Variants in DPP6 observed in about 807,000 individuals in gnomAD.
The protein encoded by DPP6 is A-type potassium channel modulatory protein DPP6.
Under a neutral mutation model 122.6 loss-of-function variants are expected in DPP6, and 69 were observed. The observed-to-expected ratio is 0.56, with a 90% confidence interval of 0.46 to 0.69. DPP6 has a LOEUF of 0.69. DPP6 is among the 30% of genes least tolerant of loss of function. The pLI is 0.00. For synonymous variants in DPP6, 418 were observed against 433.1 expected, an observed-to-expected ratio of 0.97 and a Z score of 0.43; for missense variants, 928 against 1,116.9, an observed-to-expected ratio of 0.83 and a Z score of 2.41.
the DPP6 span, among the ~76,000 whole-genome samples, chr7:153,796,241 C>T: frequency 0.092 from 5,096 of 55,472 alleles, 98 homozygotes; most frequent in Middle Eastern, 0.14. Context: ...TTCCATTTCT[C>T]TTTGCAGATC....
intron 1 of DPP6, among the ~76,000 whole-genome samples, chr7:154,081,176 A>G (rs1364167735): frequency 5.9e-5 from 9 of 151,762 alleles, no homozygotes; most frequent in Admixed American, 5.2e-4. Context: ...ATGAGCCAGT[A>G]TGCTGGGGCA....
chr7:154,057,467 A>C (rs1434734865), intron 1 of DPP6: 1 of 154,944 alleles, frequency 6.5e-6, no homozygotes, highest in Non-Finnish European at 1.4e-5. Context: ...TTCAAGAAGA[A>C]AGCTCAAATC....
intron 2 of DPP6, among the ~76,000 whole-genome samples, chr7:154,453,390 T>G (rs1042282494): frequency 2.6e-5 from 4 of 152,140 alleles, no homozygotes; most frequent in Non-Finnish European, 5.9e-5. Context: ...AGAGATTACT[T>G]TTACGGAATT....
chr7:153,914,149 C>A (rs1247449971), intron 1 of DPP6, among the ~76,000 whole-genome samples: 1 of 152,142 alleles, frequency 6.6e-6, no homozygotes, highest in Admixed American at 6.5e-5. Flanking sequence ...TCTCGTCATA[C>A]TGAATAAGTC....
intron 7 of DPP6, among the ~76,000 whole-genome samples, chr7:154,681,175 A>G (rs58362556): frequency 0.087 from 13,199 of 152,246 alleles, 721 homozygotes; most frequent in African/African-American, 0.16. Context: ...ATGCAGGGTT[A>G]AAACCGGGCC....
chr7:154,317,296 A>C (rs1437239753), intron 1 of DPP6, among the ~76,000 whole-genome samples: 1 of 152,130 alleles, frequency 6.6e-6, no homozygotes, highest in Non-Finnish European at 1.5e-5. Context: ...GGAGATTGAG[A>C]CCATCCTGGC....
chr7:154,541,798 T>G (rs567122408), intron 4 of DPP6, among the ~76,000 whole-genome samples: 2 of 152,246 alleles, frequency 1.3e-5, no homozygotes, highest in East Asian at 3.9e-4. Flanking sequence ...TAAAAAAAAT[T>G]AACCGGTTCC....
intron 16 of DPP6, among the ~76,000 whole-genome samples, chr7:154,826,077 T>C (rs1800124046): frequency 6.6e-6 from 1 of 152,192 alleles, no homozygotes; most frequent in Admixed American, 6.5e-5. Context: ...AAACCCATGA[T>C]CATTACAAGA....
chr7:154,044,234 A>G (rs1236496366), intron 1 of DPP6, among the ~76,000 whole-genome samples: 1 of 152,236 alleles, frequency 6.6e-6, no homozygotes, highest in African/African-American at 2.4e-5. Flanking sequence ...TTGAAATGCA[A>G]TTAGTAGTAT....
intron 1 of DPP6, among the ~76,000 whole-genome samples, chr7:154,144,145 G>C (rs1422946231): frequency 6.6e-6 from 1 of 152,082 alleles, no homozygotes; most frequent in Non-Finnish European, 1.5e-5. Flanking sequence ...TACTTACTAA[G>C]GTTGAATTTT....
rs1804763042 is a variant in DPP6 at position 154,875,407 on chromosome 7, C to T, written c.1884-499C>T. Among the ~76,000 whole-genome samples, 1 of 152,206 alleles carries T rather than the reference C, an allele frequency of 6.6e-6. No individual in the cohort carries two copies. The highest frequency in any genetic ancestry group is 2.4e-5 in the African/African-American group (1 of 41,458). ...AGCAGAGGGAGGGAGAAAGGCCACC[C>T]ATATGGCGGGTTTGCTGTTACTTCC... is the stretch of plus-strand genomic sequence containing the variant. On this transcript the variant is annotated intron_variant, in intron 19 of 25. Transcript: ENST00000377770. This position sits in a 1 kb window ranked among gnomAD's most constrained non-coding sequence, Gnocchi z 4.5.
At chr7:153,888,490 C>A (rs991385532) in intron 1 of DPP6, among the ~76,000 whole-genome samples, 7 of 152,220 alleles carry the variant, frequency 4.6e-5, no homozygotes, top group Non-Finnish European at 1.0e-4. Context: ...TCCCCGCTGA[C>A]CCGCGCGGCC....
At chr7:154,723,942 A>G (rs1563142541) in intron 7 of DPP6, among the ~76,000 whole-genome samples, 1 of 152,184 alleles carries the variant, frequency 6.6e-6, no homozygotes, top group Non-Finnish European at 1.5e-5. Flanking sequence ...TAGAGACAGA[A>G]AACCCAGGGC....
chr7:153,877,362 A>C, the DPP6 span, among the ~76,000 whole-genome samples: 42 of 152,286 alleles, frequency 2.8e-4, no homozygotes, highest in African/African-American at 9.6e-4. Context: ...TTTGCTAAAA[A>C]TTAAGACACA....
At chr7:154,879,470 G>A (rs1215440150) in intron 20 of DPP6, among the ~76,000 whole-genome samples, 3 of 134,086 alleles carry the variant, frequency 2.2e-5, no homozygotes, top group South Asian at 2.4e-4. Flanking sequence ...GGCACCTGTA[G>A]TCCCAGCTAC....
chr7:154,226,786 C>T (rs1260195155), intron 1 of DPP6, among the ~76,000 whole-genome samples: 1 of 152,124 alleles, frequency 6.6e-6, no homozygotes, highest in Non-Finnish European at 1.5e-5. Flanking sequence ...GGTATGTGAT[C>T]TTCAGAGTCA....
chr7:154,076,648 G>C (rs1246568470), intron 1 of DPP6, among the ~76,000 whole-genome samples: 1 of 150,894 alleles, frequency 6.6e-6, no homozygotes, highest in Non-Finnish European at 1.5e-5. Context: ...TACCAAGGTG[G>C]ATCACAGATT....
intron 16 of DPP6, among the ~76,000 whole-genome samples, chr7:154,815,779 C>G (rs531792023): frequency 6.6e-6 from 1 of 152,188 alleles, no homozygotes; most frequent in African/African-American, 2.4e-5. Context: ...CTCTCACCCC[C>G]GCCCCTTTCA....
the DPP6 span, among the ~76,000 whole-genome samples, chr7:153,788,098 A>G: frequency 1.3e-5 from 2 of 152,238 alleles, no homozygotes; most frequent in Admixed American, 1.3e-4. Context: ...GAATATTTTC[A>G]TAATATTCTA....
Sources: gnomAD v4.1 joint callset for allele counts (sites outside exome capture counted in the v4.1 genomes callset) on GRCh38, gnomAD v4.1.1 for gene constraint, Gnocchi (gnomAD v3.1) non-coding constraint, MANE v1.5 for transcripts, NCBI Gene and HGNC (gene_info 2026-07-23, HGNC 2026-07-21) for gene names.